The following PHLPP1 variants were observed in gnomAD, a reference collection of about 807,000 sequenced individuals.
PHLPP1 encodes PH domain leucine-rich repeat-containing protein phosphatase 1.
Under a neutral mutation model 117.2 loss-of-function variants are expected in PHLPP1, and 42 were observed. The observed-to-expected ratio is 0.36, with a 90% confidence interval of 0.28 to 0.46. PHLPP1 has a LOEUF of 0.46. Ranked by LOEUF, PHLPP1 falls within the 20% of genes least tolerant of loss-of-function variation. PHLPP1 has a pLI of 1.00. For synonymous variants in PHLPP1, 1,042 were observed against 970.7 expected (o/e 1.07, Z -1.37); for missense variants, 2,084 against 2,241.9 (o/e 0.93, Z 1.42).
intron 1 of PHLPP1, among the ~76,000 whole-genome samples, chr18:62,819,525 C>T (rs890164220): frequency 1.1e-4 from 16 of 152,102 alleles, no homozygotes; most frequent in Non-Finnish European, 1.8e-4. Flanking sequence ...AATTCAAACA[C>T]ATCTATATTT....
Position 62,895,041 on chromosome 18 carries a change from C to T in PHLPP1, c.2097C>T (p.Ser699=). 6.2e-7 allele frequency: 1 copy of T among 1,611,988 alleles called. No individual in the cohort carries two copies. Among genetic ancestry groups the T allele is most frequent in the South Asian group, 1.1e-5 (1 of 90,848 alleles). Residue 699 remains serine (S), a synonymous_variant, in exon 5 of 17, where the codon TCC becomes TCT. Coordinates refer to ENST00000262719, the MANE Select transcript of PHLPP1 (RefSeq NM_194449.4). ...RFTKLKSLNL[S]NNHLGDFPLA... ...CCAAGTTGAAGAGTCTTAACCTTTC[C>T]AATAATCATTTAGGGGACTTCCCAC...
chr18:62,975,344 A>G (rs537320151), intron 15 of PHLPP1, 53 bp from the exon 16 acceptor site: 35 of 1,271,824 alleles, frequency 2.8e-5, no homozygotes, highest in South Asian at 2.1e-4. Flanking sequence ...GAATTTGCAG[A>G]ACTGGCACTG....
At chr18:62,817,153 A>G (rs1450039421) in intron 1 of PHLPP1, among the ~76,000 whole-genome samples, 1 of 152,100 alleles carries the variant, frequency 6.6e-6, no homozygotes, top group Non-Finnish European at 1.5e-5. Flanking sequence ...TGTGTTTCCC[A>G]GGCTGGTCTG....
At chr18:62,951,689 A>G (rs1910463155) in intron 12 of PHLPP1, among the ~76,000 whole-genome samples, 1 of 151,914 alleles carries the variant, frequency 6.6e-6, no homozygotes, top group Non-Finnish European at 1.5e-5. Flanking sequence ...CTTTTTTTTA[A>G]TGTAAAAATA....
rs1231448261 is a variant in PHLPP1, at chr18:62,941,058, T to C, written c.2961-660T>C. Among the ~76,000 whole-genome samples the C allele has an allele frequency of 2.6e-5, 4 of 152,360 alleles. No homozygotes were observed. The South Asian group carries it at 6.2e-4, about 24-fold the overall frequency. Reference sequence around the variant, plus strand: ...CATTATGTGTTTGTGAGATTCATCCTGTTGATACATGTTGTTTTAGTTCTT... The same window carrying C: ...CATTATGTGTTTGTGAGATTCATCCCGTTGATACATGTTGTTTTAGTTCTT... On this transcript the variant is annotated intron_variant, in intron 10 of 16. Transcript: ENST00000262719.
chr18:62,796,608 T>C (rs2144295666), intron 1 of PHLPP1, among the ~76,000 whole-genome samples: 1 of 152,342 alleles, frequency 6.6e-6, no homozygotes, highest in East Asian at 1.9e-4. Context: ...AGTATTTGAA[T>C]ATTTGAAATA....
intron 3 of PHLPP1, among the ~76,000 whole-genome samples, chr18:62,849,332 C>A (rs1418607923): frequency 6.6e-6 from 1 of 152,076 alleles, no homozygotes. Context: ...AAGTTAAATT[C>A]TTTTAATCTG....
chr18:62,836,347 G>T (rs960535847), intron 2 of PHLPP1, among the ~76,000 whole-genome samples: 1 of 151,406 alleles, frequency 6.6e-6, no homozygotes, highest in African/African-American at 2.4e-5. Flanking sequence ...CAGGAGAATC[G>T]CTTGAACCTG....
intron 1 of PHLPP1, among the ~76,000 whole-genome samples, chr18:62,816,992 A>G (rs536621283): frequency 1.5e-4 from 23 of 152,286 alleles, no homozygotes; most frequent in Middle Eastern, 3.4e-3. Context: ...CCCAGGCTAG[A>G]GTGCAGTGGT....
At chr18:62,795,577 G>A (rs538260667) in intron 1 of PHLPP1, among the ~76,000 whole-genome samples, 61 of 151,614 alleles carry the variant, frequency 4.0e-4, no homozygotes, top group African/African-American at 1.4e-3. Context: ...ACCATAAGCT[G>A]GACTTGGTCA....
chr18:62,829,705 T>C (rs1914704098), intron 1 of PHLPP1, among the ~76,000 whole-genome samples: 1 of 152,048 alleles, frequency 6.6e-6, no homozygotes, highest in Non-Finnish European at 1.5e-5. Flanking sequence ...TTAGTCGAGA[T>C]TGCGCCACTG....
intron 4 of PHLPP1, among the ~76,000 whole-genome samples, chr18:62,865,567 A>G (rs185804843): frequency 2.4e-4 from 36 of 152,340 alleles, no homozygotes; most frequent in Non-Finnish European, 4.4e-5. Context: ...AAGGCTTTCT[A>G]TCATACTGCC....
intron 4 of PHLPP1, among the ~76,000 whole-genome samples, chr18:62,870,017 C>T (rs527760364): frequency 1.3e-5 from 2 of 152,274 alleles, no homozygotes; most frequent in South Asian, 2.1e-4. Flanking sequence ...CTCAGCCTCC[C>T]GAATGGATGG....
chr18:62,733,693 A>G (rs986181705), intron 1 of PHLPP1, among the ~76,000 whole-genome samples: 2 of 152,200 alleles, frequency 1.3e-5, no homozygotes, highest in African/African-American at 4.8e-5. Context: ...AAAAAGGTGA[A>G]AAGTGTTCTA....
chr18:62,871,472 C>T (rs929674912), intron 4 of PHLPP1, among the ~76,000 whole-genome samples: 4 of 151,738 alleles, frequency 2.6e-5, no homozygotes, highest in Admixed American at 2.0e-4. Flanking sequence ...GGATTACAGG[C>T]GTGCACCACC....
At chr18:62,783,820 A>G (rs993050507) in intron 1 of PHLPP1, among the ~76,000 whole-genome samples, 1 of 152,196 alleles carries the variant, frequency 6.6e-6, no homozygotes, top group African/African-American at 2.4e-5. Context: ...AACAGTCCAC[A>G]TAATGGAAGT....
At chr18:62,903,219 C>A in intron 7 of PHLPP1, 53 bp downstream of exon 7, 2 of 1,170,112 alleles carry the variant, frequency 1.7e-6, no homozygotes, top group Non-Finnish European at 1.3e-6. Flanking sequence ...GGAATTTACC[C>A]AGCATCATTA....
At chr18:62,867,398 A>T (rs1291111422) in intron 4 of PHLPP1, among the ~76,000 whole-genome samples, 1 of 152,154 alleles carries the variant, frequency 6.6e-6, no homozygotes, top group African/African-American at 2.4e-5. Flanking sequence ...TCCTCTCAAT[A>T]TATAGGTGTT....
At chr18:62,829,201 AT>A (rs2064241704) in intron 1 of PHLPP1, among the ~76,000 whole-genome samples, 1 of 152,192 alleles carries the variant, frequency 6.6e-6, no homozygotes, top group East Asian at 1.9e-4. Context: ...CTAATAGGAA[AT>A]AATAGTGTTT....
Sources: allele counts gnomAD v4.1 joint callset (sites outside exome capture counted in the v4.1 genomes callset), GRCh38; gene constraint gnomAD v4.1.1; transcripts MANE v1.5; gene names NCBI Gene and HGNC (gene_info 2026-07-23, HGNC 2026-07-21).